RPL28: variants seen among roughly 807,000 people sequenced by gnomAD.
RPL28 encodes the protein large ribosomal subunit protein eL28.
RPL28 carries 4 observed loss-of-function variants against 12.5 expected under a neutral mutation model. The observed-to-expected ratio is 0.32, with a 90% confidence interval of 0.16 to 0.73. The LOEUF is 0.73. Ranked by LOEUF, RPL28 falls within the 30% of genes least tolerant of loss-of-function variation. The probability of loss-of-function intolerance (pLI) is 0.66; values close to 1 mark genes in which losing one functional copy is unlikely to be tolerated. For missense variants in RPL28, 214 were observed against 197.7 expected, an observed-to-expected ratio of 1.08 and a Z score of -0.49; for synonymous variants, 91 against 72.5, an observed-to-expected ratio of 1.26 and a Z score of -1.30.
rs1462122349 is a variant in RPL28 at position 55,389,425 on chromosome 19, G to A, written c.*1093G>A. 1.0e-6 allele frequency: 1 copy of A among 985,320 alleles called. No homozygotes were observed. Among genetic ancestry groups the A allele is most frequent in the East Asian group, 1.1e-4 (1 of 8,826 alleles). The allele number at this position is 985,320 out of a possible 1,614,324, so 61.0% of individuals were successfully genotyped here. A position where few individuals can be genotyped will look rare whatever the true frequency, so the allele number is the denominator to read the frequency against. The stretch of plus-strand genomic sequence containing the variant: ...GTTTCCTGGGCACCTAACTCTGTCA[G>A]CCACTGCCAGGGACCAAGGATCCAG... On this transcript the variant is annotated 3_prime_UTR_variant, in exon 5 of 5. Transcript: ENST00000344063.
rs564834004 is a variant in RPL28, at chr19:55,388,824, C to T, written c.*492C>T. ...TGCATCCAGGGAGTGGGTGCAGCCA[C>T]ATTTGGAGGGGATGGGCTTTACTTG... On this transcript the variant is annotated 3_prime_UTR_variant, in exon 5 of 5. Transcript: ENST00000344063. The T allele has an allele frequency of 6.6e-5, 65 of 988,422 alleles. 1 individual carries two copies. In the South Asian group the frequency reaches 2.5e-3, roughly 38 times the overall value. 61.2% of individuals were successfully genotyped at this position (988,422 alleles called of 1,614,324 possible).
At chr19:55,397,984 C>T (rs2090034786) in intron 4 of RPL28, among the ~76,000 whole-genome samples, 1 of 152,104 alleles carries the variant, frequency 6.6e-6, no homozygotes, top group East Asian at 1.9e-4. Flanking sequence ...TCACTTGAGA[C>T]CAGGAGTTCA....
At chr19:55,394,472 G>A (rs1804814990), downstream of RPL28, among the ~76,000 whole-genome samples, 1 of 152,038 alleles carries the variant, frequency 6.6e-6, no homozygotes, top group Non-Finnish European at 1.5e-5. Context: ...TGTTACCCAG[G>A]TTGGGCTTGA....
chr19:55,403,332 T>C (rs1455087308), downstream of RPL28: 3 of 524,460 alleles, frequency 5.7e-6, no homozygotes, highest in African/African-American at 5.8e-5. Context: ...ACCATAAAAA[T>C]ATAAAAACTA....
At chr19:55,398,274 C>T (rs556987266) in intron 4 of RPL28, among the ~76,000 whole-genome samples, 3 of 152,298 alleles carry the variant, frequency 2.0e-5, no homozygotes, top group East Asian at 1.9e-4. Flanking sequence ...GGAGTTACCC[C>T]GGCATGGATG....
downstream of RPL28, among the ~76,000 whole-genome samples, chr19:55,392,594 G>A (rs2089998355): frequency 6.8e-6 from 1 of 147,168 alleles, no homozygotes; most frequent in South Asian, 2.1e-4. Context: ...GTGCAGTGGC[G>A]CGACCTCGGG....
intron 1 of RPL28, 28 bp from the exon 2 acceptor site, chr19:55,386,322 C>T: frequency 6.2e-7 from 1 of 1,606,884 alleles, no homozygotes; most frequent in Non-Finnish European, 8.5e-7. Context: ...CTGTGTCTGA[C>T]GCTTTCCCTG....
intron 4 of RPL28, chr19:55,401,845 T>C: frequency 2.8e-6 from 4 of 1,444,776 alleles, no homozygotes; most frequent in Non-Finnish European, 3.8e-6. Context: ...GCCTCCGCAC[T>C]GGCTGTTCCT....
intron 4 of RPL28, chr19:55,400,350 G>A (rs1228430903): frequency 6.6e-6 from 1 of 152,076 alleles, no homozygotes; most frequent in African/African-American, 2.4e-5. Context: ...ATGAGACATT[G>A]GTCTAAATAA....
chr19:55,389,121 A>C lies in RPL28; in HGVS notation c.*789A>C. ...GTTTCCTTTGGCCTGTTTGCTCCCT[A>C]GTGTTTATTACAGCTTGTGAGGCCA... is the stretch of plus-strand genomic sequence containing the variant. On this transcript the variant is annotated 3_prime_UTR_variant, in exon 5 of 5. Transcript: ENST00000344063. The C allele has an allele frequency of 1.0e-6, 1 of 985,278 alleles. No homozygotes were observed. The highest frequency in any genetic ancestry group is 1.2e-6 in the Non-Finnish European group (1 of 829,942). The allele number at this position is 985,278 out of a possible 1,614,324, so 61.0% of individuals were successfully genotyped here. A position where few individuals can be genotyped will look rare whatever the true frequency, so the allele number is the denominator to read the frequency against.
chr19:55,386,202 A>C, intron 1 of RPL28, 148 bp from the exon 2 acceptor site: 1 of 687,140 alleles, frequency 1.5e-6, no homozygotes, highest in Non-Finnish European at 2.5e-6. Flanking sequence ...GCCTGACAAG[A>C]GTTCTAGGTC....
At chr19:55,395,696 G>C (rs1219654887), downstream of RPL28, among the ~76,000 whole-genome samples, 1 of 151,628 alleles carries the variant, frequency 6.6e-6, no homozygotes, top group Non-Finnish European at 1.5e-5. Flanking sequence ...GCCCACCTTG[G>C]CCTCCCAAAG....
At chr19:55,402,744 C>T (rs897252434) in intron 4 of RPL28, among the ~76,000 whole-genome samples, 22 of 152,104 alleles carry the variant, frequency 1.4e-4, no homozygotes, top group Non-Finnish European at 2.1e-4. Flanking sequence ...GCCTGGAGCT[C>T]GGTGCCAATG....
chr19:55,390,461 T>TCTGG lies in RPL28; in HGVS notation c.*2130_*2131insTGGC. The TCTGG allele has an allele frequency of 2.0e-6, 2 of 985,422 alleles. No individual in the cohort carries two copies. The highest frequency in any genetic ancestry group is 2.4e-6 in the Non-Finnish European group (2 of 829,914). The allele number at this position is 985,422 out of a possible 1,614,324, so 61.0% of individuals were successfully genotyped here. A position where few individuals can be genotyped will look rare whatever the true frequency, so the allele number is the denominator to read the frequency against. ...TTCAAATTACCCACCTGCCTCAGCC[T>TCTGG]CCCAAAGTGCTGGCATTACAGGCGC... On this transcript the variant is annotated 3_prime_UTR_variant, in exon 5 of 5. Transcript: ENST00000344063.
Position 55,391,783 on chromosome 19 carries a change from A to G in RPL28, c.*3451A>G, listed in dbSNP as rs2089992572. The G allele has an allele frequency of 7.5e-7, 1 of 1,326,332 alleles. No homozygotes were observed. Among genetic ancestry groups the G allele is most frequent in the Admixed American group, 3.3e-5 (1 of 30,404 alleles). The allele number at this position is 1,326,332 out of a possible 1,614,324, so 82.2% of individuals were successfully genotyped here. On this transcript the variant is annotated 3_prime_UTR_variant, in exon 5 of 5. Coordinates refer to ENST00000344063, the MANE Select transcript of RPL28 (RefSeq NM_000991.5). ...GACTTTTTATAAATATTTTGATCAG[A>G]TGGACTCATGATCACAGATGTCTTC...
intron 4 of RPL28, among the ~76,000 whole-genome samples, chr19:55,402,600 C>T (rs2090068414): frequency 6.6e-6 from 1 of 152,190 alleles, no homozygotes; most frequent in African/African-American, 2.4e-5. Flanking sequence ...AGATGCTCAG[C>T]AGATATCACT....
At chr19:55,397,176 G>A (rs1177831453) in intron 4 of RPL28, among the ~76,000 whole-genome samples, 5 of 152,122 alleles carry the variant, frequency 3.3e-5, no homozygotes, top group East Asian at 1.9e-4. Flanking sequence ...CACTACACCC[G>A]GCCTCCTTGT....
chr19:55,396,770 C>T (rs1435577257), downstream of RPL28, among the ~76,000 whole-genome samples: 5 of 148,854 alleles, frequency 3.4e-5, no homozygotes, highest in Admixed American at 6.8e-5. Flanking sequence ...TTAGTAGAGA[C>T]AGGGTTTCAC....
At chr19:55,402,462 C>T (rs1350661921) in intron 4 of RPL28, among the ~76,000 whole-genome samples, 2 of 152,212 alleles carry the variant, frequency 1.3e-5, no homozygotes, top group African/African-American at 2.4e-5. Flanking sequence ...AATTGGAGTG[C>T]AGAGGTGTGA....
Sources: allele counts gnomAD v4.1 joint callset (sites outside exome capture counted in the v4.1 genomes callset), GRCh38; gene constraint gnomAD v4.1.1; transcripts MANE v1.5; gene names NCBI Gene and HGNC (gene_info 2026-07-23, HGNC 2026-07-21).